Variants in EFCC1 observed in about 807,000 individuals in gnomAD.
EFCC1 encodes EF-hand and coiled-coil domain-containing protein 1.
EFCC1 carries 50 observed loss-of-function variants against 52.1 expected under a neutral mutation model. That is an observed-to-expected ratio of 0.96 (90% CI 0.76 to 1.21). EFCC1 has a LOEUF of 1.21. Among genes scored for constraint, EFCC1 ranks in the 50% most tolerant of loss-of-function variants. The pLI, the probability that EFCC1 is intolerant of heterozygous loss-of-function variation, is 0.00. For missense variants in EFCC1, 837 were observed against 867.3 expected, an observed-to-expected ratio of 0.97 and a Z score of 0.44; for synonymous variants, 399 against 396.5, an observed-to-expected ratio of 1.01 and a Z score of -0.08.
At chr3:129,037,718 T>C (rs1402103403) in intron 6 of EFCC1, among the ~76,000 whole-genome samples, 2 of 152,118 alleles carry the variant, frequency 1.3e-5, no homozygotes, top group Non-Finnish European at 2.9e-5. Context: ...AACCAAATAC[T>C]TCATGCAGAT....
chr3:129,015,568 G>T (rs1945540200), intron 2 of EFCC1, among the ~76,000 whole-genome samples: 1 of 150,802 alleles, frequency 6.6e-6, no homozygotes, highest in African/African-American at 2.4e-5. Context: ...ACCCAGCCCA[G>T]GCTGACACCC....
rs956978582 is a variant in EFCC1 at position 129,040,118 on chromosome 3, C to T, written c.*270C>T. ...CATTAAAGCCCTGCAGTTGCTGGAT[C>T]AGCCTGCACCTGATGCTGTATCTTT... is the stretch of plus-strand genomic sequence containing the variant. On this transcript the variant is annotated 3_prime_UTR_variant, in exon 8 of 8. Coordinates refer to ENST00000683648, the MANE Select transcript of EFCC1 (RefSeq NM_001377500.1). This position sits in a 1 kb window ranked among gnomAD's most constrained non-coding sequence, Gnocchi z 4.4. The T allele has an allele frequency of 1.2e-5, 5 of 413,790 alleles. No homozygotes were observed. Among genetic ancestry groups the T allele is most frequent in the African/African-American group, 1.0e-4 (5 of 48,834 alleles). 25.6% of individuals were successfully genotyped at this position (413,790 alleles called of 1,614,324 possible).
At chr3:129,015,420 G>A (rs973236871) in intron 2 of EFCC1, among the ~76,000 whole-genome samples, 2 of 149,862 alleles carry the variant, frequency 1.3e-5, no homozygotes, top group East Asian at 3.9e-4. Flanking sequence ...CTGCTCCTTC[G>A]GGGGGGGAGG....
chr3:129,006,460 T>G (rs1945080369), intron 2 of EFCC1, among the ~76,000 whole-genome samples: 1 of 152,206 alleles, frequency 6.6e-6, no homozygotes, highest in Non-Finnish European at 1.5e-5. Context: ...GGATTAAAGA[T>G]GCATGCCACC....
chr3:129,003,218 G>C lies in EFCC1; in HGVS notation c.697-576G>C, dbSNP rs529413575. On this transcript the variant is annotated intron_variant, in intron 1 of 7. Coordinates refer to ENST00000683648, the MANE Select transcript of EFCC1 (RefSeq NM_001377500.1). The stretch of plus-strand genomic sequence containing the variant: ...GGAGGCGGGAAACTACTCCTCTGAT[G>C]TGGAATCCCAAGTAACGTACTGGGA... 49 of 985,396 alleles carry C rather than the reference G, an allele frequency of 5.0e-5. No individual in the cohort carries two copies. The East Asian group carries it at 4.1e-3, about 82-fold the overall frequency. 61.0% of individuals were successfully genotyped at this position (985,396 alleles called of 1,614,324 possible). A position where few individuals can be genotyped will look rare whatever the true frequency, so the allele number is the denominator to read the frequency against.
rs759617563 is a variant in EFCC1 at position 129,037,007 on chromosome 3, G to A, written c.1483G>A (p.Glu495Lys). The change falls in exon 6 of 8, where the codon GAG (glutamate) becomes AAG (lysine). Residue 495 changes from glutamate to lysine, a missense_variant. Coordinates refer to ENST00000683648, the MANE Select transcript of EFCC1 (RefSeq NM_001377500.1). ...GTTGCAGCAGAAGGTGGAAGAGAAT[G>A]AGCACCTGAGGCTGGAGCTGCAGAT... ...AELQQKVEEN[E>K]HLRLELQMVE... The A allele has an allele frequency of 2.7e-5, 44 of 1,613,850 alleles. No individual in the cohort carries two copies. The highest frequency in any genetic ancestry group is 3.7e-5 in the Non-Finnish European group (44 of 1,180,004).
intron 4 of EFCC1, among the ~76,000 whole-genome samples, chr3:129,033,212 C>G (rs1347513215): frequency 6.6e-6 from 1 of 152,336 alleles, no homozygotes; most frequent in Non-Finnish European, 1.5e-5. Flanking sequence ...CTCACCAGCA[C>G]CTGCACTGGA....
At chr3:129,032,748 A>C in intron 3 of EFCC1, 71 bp from the exon 4 acceptor site, 2 of 1,518,284 alleles carry the variant, frequency 1.3e-6, no homozygotes, top group Non-Finnish European at 1.8e-6. Context: ...TGCGCTGCAC[A>C]TGTCCCCCTG....
At position 129,038,905 on chromosome 3, in the gene EFCC1, G is replaced by A. The variant is rs1366093634; in HGVS notation, c.1663+5G>A. On this transcript the variant is annotated splice_donor_5th_base_variant and intron_variant, in intron 7 of 7. Coordinates refer to ENST00000683648, the MANE Select transcript of EFCC1 (RefSeq NM_001377500.1). ...CTTTCAGGGACCCCACCCACGGTAG[G>A]AGAGCACCCTAGTCTCTCAGAGCCC... 1.9e-6 allele frequency: 3 copies of A among 1,613,570 alleles called. 1 individual carries two copies. Among genetic ancestry groups the A allele is most frequent in the African/African-American group, 2.7e-5 (2 of 74,916 alleles).
intron 1 of EFCC1, 41 bp from the exon 2 acceptor site, chr3:129,003,753 T>C (rs911049066): frequency 2.2e-6 from 3 of 1,344,808 alleles, no homozygotes; most frequent in Non-Finnish European, 2.9e-6. Context: ...TGCATCTGGC[T>C]GGGGCACTTA....
intron 5 of EFCC1, among the ~76,000 whole-genome samples, 166 bp downstream of exon 5, chr3:129,034,495 G>A (rs183527641): frequency 3.0e-4 from 46 of 152,262 alleles, no homozygotes; most frequent in Admixed American, 7.2e-4. Flanking sequence ...AAATATTTTG[G>A]TTGCAAATTA....
At position 129,038,831 on chromosome 3, in the gene EFCC1, A is replaced by G; in HGVS notation, c.1594A>G (p.Asn532Asp). The G allele has an allele frequency of 2.5e-6, 4 of 1,613,770 alleles. No homozygotes were observed. Among genetic ancestry groups the G allele is most frequent in the Non-Finnish European group, 3.4e-6 (4 of 1,179,998 alleles). Residue 532 changes from asparagine (N) to aspartate (D), a missense_variant and splice_region_variant, in exon 7 of 8, where the codon AAC becomes GAC. Coordinates refer to ENST00000683648, the MANE Select transcript of EFCC1 (RefSeq NM_001377500.1). ...AGCCTTGTTTCCATTTCTTTTTAAG[A>G]ACATATCGAAAAGAGCCCTGGGGAA... Reference protein sequence around the residue: ...LQLLQRLRDLNISKRALGKIL... With the variant: ...LQLLQRLRDLDISKRALGKIL...
intron 2 of EFCC1, among the ~76,000 whole-genome samples, chr3:129,020,123 G>C (rs143987404): frequency 2.6e-5 from 4 of 152,110 alleles, no homozygotes; most frequent in African/African-American, 9.7e-5. Flanking sequence ...GACGATGCAG[G>C]CCAGATTAAA....
intron 2 of EFCC1, among the ~76,000 whole-genome samples, chr3:129,013,115 A>C (rs1424229326): frequency 2.0e-5 from 3 of 152,180 alleles, no homozygotes; most frequent in Non-Finnish European, 2.9e-5. Context: ...GGCCTAAGTC[A>C]GGGGTAGTAT....
Position 129,001,340 on chromosome 3 carries a change from G to A in EFCC1, c.-289G>A, listed in dbSNP as rs1269417329. On this transcript the variant is annotated 5_prime_UTR_variant, in exon 1 of 8. Coordinates refer to ENST00000683648, the MANE Select transcript of EFCC1 (RefSeq NM_001377500.1). ...ACGCCCCGTGAGTGAGGAGAGGAGA[G>A]CGTGGGAGTCACGCGGAGAAGCCAG... Among the ~76,000 whole-genome samples the A allele has an allele frequency of 2.0e-5, 3 of 152,220 alleles. No individual in the cohort carries two copies. The highest frequency in any genetic ancestry group is 4.4e-5 in the Non-Finnish European group (3 of 68,032).
At chr3:129,037,729 C>A (rs1946373766) in intron 6 of EFCC1, among the ~76,000 whole-genome samples, 2 of 152,112 alleles carry the variant, frequency 1.3e-5, no homozygotes, top group Non-Finnish European at 2.9e-5. Flanking sequence ...TCATGCAGAT[C>A]TCACACTGAC....
chr3:129,008,933 T>C (rs996111617), intron 2 of EFCC1, among the ~76,000 whole-genome samples: 5 of 149,830 alleles, frequency 3.3e-5, no homozygotes, highest in Non-Finnish European at 5.9e-5. Flanking sequence ...CTCAGCTCCT[T>C]ATTCTTCAAA....
At chr3:129,004,870 G>A (rs958000308) in intron 2 of EFCC1, among the ~76,000 whole-genome samples, 54 of 152,104 alleles carry the variant, frequency 3.6e-4, no homozygotes, top group Admixed American at 2.3e-3. Flanking sequence ...TCAAATCTTG[G>A]CAGGGCTTTT....
At chr3:129,025,936 C>G (rs2107926717) in intron 2 of EFCC1, among the ~76,000 whole-genome samples, 1 of 152,358 alleles carries the variant, frequency 6.6e-6, no homozygotes, top group South Asian at 2.1e-4. Flanking sequence ...CCAGAGCCTG[C>G]CTTCCAAGCT....
Sources: allele counts gnomAD v4.1 joint callset (sites outside exome capture counted in the v4.1 genomes callset), GRCh38; gene constraint gnomAD v4.1.1; non-coding constraint Gnocchi (gnomAD v3.1); transcripts MANE v1.5; gene names NCBI Gene and HGNC (gene_info 2026-07-23, HGNC 2026-07-21).